PTPRG: variants seen among roughly 807,000 people sequenced by gnomAD.
PTPRG encodes the protein receptor-type tyrosine-protein phosphatase gamma.
PTPRG carries 102 observed loss-of-function variants against 165.3 expected under a neutral mutation model. That is an observed-to-expected ratio of 0.62 (90% CI 0.53 to 0.73). The LOEUF (loss-of-function observed/expected upper bound fraction) is 0.73, where lower values mean the gene tolerates loss of function less well. PTPRG is among the 30% of genes least tolerant of loss of function. The pLI is 0.00. For missense variants in PTPRG, 1,866 were observed against 1,861.4 expected, an observed-to-expected ratio of 1.00 and a Z score of -0.05; for synonymous variants, 675 against 669.5, an observed-to-expected ratio of 1.01 and a Z score of -0.13.
chr3:61,680,501 GAAA>G lies in PTPRG; in HGVS notation c.86-68362_86-68360del, dbSNP rs34153657. Among the ~76,000 whole-genome samples, 333 of 85,214 alleles carry G rather than the reference GAAA, an allele frequency of 3.9e-3. 10 individuals are homozygous for G. In the East Asian group the frequency reaches 0.1, roughly 26 times the overall value. 55.9% of individuals were successfully genotyped at this position (85,214 alleles called of 152,430 possible). A position where few individuals can be genotyped will look rare whatever the true frequency, so the allele number is the denominator to read the frequency against. Reference sequence around the variant, plus strand: ...CATGTTGGCAATTATTCAGCTTTATGAAAAAAAAAAAAAAAAACACAAAAAAAC... The same window carrying G: ...CATGTTGGCAATTATTCAGCTTTATGAAAAAAAAAAAAAACACAAAAAAAC... On this transcript the variant is annotated intron_variant, in intron 1 of 29. Transcript: ENST00000474889.
At chr3:61,902,005 TA>T (rs1334408121) in intron 2 of PTPRG, among the ~76,000 whole-genome samples, 1 of 152,216 alleles carries the variant, frequency 6.6e-6, no homozygotes, top group Non-Finnish European at 1.5e-5. Context: ...AACGTGGTAA[TA>T]AAGAGCATAT....
At chr3:61,863,621 C>G (rs1004086666) in intron 2 of PTPRG, among the ~76,000 whole-genome samples, 1 of 152,154 alleles carries the variant, frequency 6.6e-6, no homozygotes, top group African/African-American at 2.4e-5. Flanking sequence ...AGCAATTATT[C>G]CAGATTTTCA....
chr3:61,734,101 T>C (rs2032627913), intron 1 of PTPRG, among the ~76,000 whole-genome samples: 1 of 152,182 alleles, frequency 6.6e-6, no homozygotes. Context: ...TCACTTTGGG[T>C]AAATTATTTT....
chr3:62,277,449 T>G, intron 25 of PTPRG, 102 bp from the exon 26 acceptor site: 1 of 1,282,200 alleles, frequency 7.8e-7, no homozygotes, highest in Non-Finnish European at 1.1e-6. Context: ...TATTTTAGTG[T>G]AGTCAAAACA....
chr3:61,987,272 G>A (rs2040784682), intron 2 of PTPRG, among the ~76,000 whole-genome samples: 1 of 152,184 alleles, frequency 6.6e-6, no homozygotes, highest in African/African-American at 2.4e-5. Context: ...TGTATATTGG[G>A]TGGAAGTGTG....
intron 2 of PTPRG, among the ~76,000 whole-genome samples, chr3:61,791,534 C>G (rs560579235): frequency 2.0e-5 from 3 of 152,352 alleles, no homozygotes; most frequent in African/African-American, 7.2e-5. Context: ...GTTGCCCAGG[C>G]TGGAGTGCAG....
intron 1 of PTPRG, among the ~76,000 whole-genome samples, chr3:61,646,606 C>G (rs1702207470): frequency 6.6e-6 from 1 of 152,190 alleles, no homozygotes; most frequent in Non-Finnish European, 1.5e-5. Context: ...TATCAATTCA[C>G]AGACTTTATT....
At chr3:61,671,149 T>G (rs1474183731) in intron 1 of PTPRG, among the ~76,000 whole-genome samples, 1 of 151,188 alleles carries the variant, frequency 6.6e-6, no homozygotes, top group Non-Finnish European at 1.5e-5. Context: ...TTTTTTTTTT[T>G]TTTTTTTTAA....
At chr3:61,907,420 T>C (rs2038683905) in intron 2 of PTPRG, among the ~76,000 whole-genome samples, 1 of 152,216 alleles carries the variant, frequency 6.6e-6, no homozygotes, top group Admixed American at 6.5e-5. Flanking sequence ...CTGATTCTTC[T>C]CAGCATTGCT....
At chr3:62,171,054 T>C (rs1041563910) in intron 8 of PTPRG, among the ~76,000 whole-genome samples, 1 of 152,236 alleles carries the variant, frequency 6.6e-6, no homozygotes, top group African/African-American at 2.4e-5. Context: ...TTGCTTCTTT[T>C]GCTCTACAGT....
intron 3 of PTPRG, among the ~76,000 whole-genome samples, chr3:62,000,075 G>A (rs947601799): frequency 1.3e-5 from 2 of 151,858 alleles, no homozygotes; most frequent in Non-Finnish European, 2.9e-5. Context: ...GGCCAAGGTG[G>A]GTGAATCTCT....
chr3:62,019,465 G>A (rs1475344926), intron 4 of PTPRG, among the ~76,000 whole-genome samples: 1 of 150,076 alleles, frequency 6.7e-6, no homozygotes, highest in Admixed American at 6.7e-5. Flanking sequence ...GGAGGTTGCA[G>A]TGAGCTGAGA....
Position 62,255,803 on chromosome 3 carries a change from T to C in PTPRG, c.2559+588T>C, listed in dbSNP as rs538301733. The stretch of plus-strand genomic sequence containing the variant: ...ACCATGCAAAGGTTGACTGTTGTTG[T>C]TTTCATGATTATTAATCCTTGGAGA... On this transcript the variant is annotated intron_variant, in intron 16 of 29. Coordinates refer to ENST00000474889, the MANE Select transcript of PTPRG (RefSeq NM_002841.4). This position sits in a 1 kb window ranked among gnomAD's most constrained non-coding sequence, Gnocchi z 4.0. 3.0e-4 allele frequency among the ~76,000 whole-genome samples: 45 copies of C among 152,294 alleles called. No individual in the cohort carries two copies. The highest frequency in any genetic ancestry group is 4.9e-4 in the Non-Finnish European group (33 of 68,012).
At chr3:61,619,023 G>T (rs1485300128) in intron 1 of PTPRG, among the ~76,000 whole-genome samples, 2 of 151,192 alleles carry the variant, frequency 1.3e-5, no homozygotes, top group African/African-American at 2.4e-5. Context: ...CTGGTGTGTT[G>T]GTGCGCATCT....
At chr3:61,765,089 C>T (rs2106988506) in intron 2 of PTPRG, among the ~76,000 whole-genome samples, 1 of 152,334 alleles carries the variant, frequency 6.6e-6, no homozygotes, top group Middle Eastern at 3.4e-3. Flanking sequence ...TGAGGTTCTA[C>T]CTTTCTAGCC....
At chr3:61,974,231 C>CTT (rs111798966) in intron 2 of PTPRG, among the ~76,000 whole-genome samples, 3,381 of 151,800 alleles carry the variant, frequency 0.022, 130 homozygotes, top group East Asian at 0.18. Flanking sequence ...GTACATGGAA[C>CTT]TTTTTTTGTA....
intron 2 of PTPRG, among the ~76,000 whole-genome samples, chr3:61,955,029 A>G (rs373259236): frequency 7.9e-5 from 12 of 152,244 alleles, no homozygotes; most frequent in Non-Finnish European, 1.5e-4. Flanking sequence ...TTTAATGGCC[A>G]TACATAATGG....
intron 2 of PTPRG, among the ~76,000 whole-genome samples, chr3:61,931,893 C>G (rs1387524913): frequency 1.3e-5 from 2 of 152,166 alleles, no homozygotes; most frequent in Non-Finnish European, 2.9e-5. Context: ...AGCTCCAAAG[C>G]CAGACCTTTG....
At chr3:61,744,895 A>C (rs2033137013) in intron 1 of PTPRG, among the ~76,000 whole-genome samples, 1 of 151,946 alleles carries the variant, frequency 6.6e-6, no homozygotes. Context: ...CAGTGGCTAG[A>C]GAGTCAGTGA....
Sources: allele counts gnomAD v4.1 joint callset (sites outside exome capture counted in the v4.1 genomes callset), GRCh38; gene constraint gnomAD v4.1.1; non-coding constraint Gnocchi (gnomAD v3.1); transcripts MANE v1.5; gene names NCBI Gene and HGNC (gene_info 2026-07-23, HGNC 2026-07-21).